The following PPP5C variants were observed in gnomAD, a reference collection of about 807,000 sequenced individuals.
PPP5C encodes the protein protein phosphatase 5 catalytic subunit, also known as serine/threonine-protein phosphatase 5.
Under a neutral mutation model 66.7 loss-of-function variants are expected in PPP5C, and 21 were observed. That is an observed-to-expected ratio of 0.31 (90% CI 0.22 to 0.45). PPP5C has a LOEUF of 0.45. Ranked by LOEUF, PPP5C falls within the 20% of genes least tolerant of loss-of-function variation. PPP5C has a pLI of 1.00. For synonymous variants in PPP5C, 246 were observed against 257.4 expected (o/e 0.96, Z 0.43); for missense variants, 464 against 675.9 (o/e 0.69, Z 3.48).
At chr19:46,356,109 G>T (rs1972282033) in intron 2 of PPP5C, among the ~76,000 whole-genome samples, 1 of 152,238 alleles carries the variant, frequency 6.6e-6, no homozygotes, top group Non-Finnish European at 1.5e-5. Context: ...TTGTGGGTGT[G>T]CCACGTCTGA....
chr19:46,386,537 G>T (rs767571047), intron 7 of PPP5C, among the ~76,000 whole-genome samples: 1 of 151,882 alleles, frequency 6.6e-6, no homozygotes, highest in Non-Finnish European at 1.5e-5. Context: ...GAAGAAGGAG[G>T]CCGGGTGCTT....
chr19:46,351,410 A>T (rs1266097719), intron 1 of PPP5C, among the ~76,000 whole-genome samples: 6 of 152,134 alleles, frequency 3.9e-5, no homozygotes, highest in African/African-American at 1.4e-4. Context: ...TTAGTCATTC[A>T]CGCATTCACT....
intron 2 of PPP5C, among the ~76,000 whole-genome samples, chr19:46,363,566 T>C (rs1972438649): frequency 2.6e-5 from 4 of 151,518 alleles, no homozygotes; most frequent in African/African-American, 9.7e-5. Context: ...GTAGCTGGGA[T>C]TGCAGGCACG....
intron 2 of PPP5C, among the ~76,000 whole-genome samples, chr19:46,365,799 C>T (rs1972481368): frequency 6.6e-6 from 1 of 152,212 alleles, no homozygotes; most frequent in South Asian, 2.1e-4. Flanking sequence ...GACTTACCCT[C>T]ATGCAGCTTA....
rs189216834 is a variant in PPP5C at position 46,390,960 on chromosome 19, C to T, written c.*614C>T. On this transcript the variant is annotated 3_prime_UTR_variant, in exon 13 of 13. Coordinates refer to ENST00000012443, the MANE Select transcript of PPP5C (RefSeq NM_006247.4). The stretch of plus-strand genomic sequence containing the variant: ...CAAAGTCCCGCTGGCCGGGCCCACC[C>T]AGCTCTGGGCTGACCGCCCAAGTGG... 452 of 1,182,994 alleles carry T rather than the reference C, an allele frequency of 3.8e-4. 1 individual carries two copies. Among genetic ancestry groups the T allele is most frequent in the Non-Finnish European group, 4.4e-4 (414 of 935,936 alleles). The allele number at this position is 1,182,994 out of a possible 1,614,324, so 73.3% of individuals were successfully genotyped here. A position where few individuals can be genotyped will look rare whatever the true frequency, so the allele number is the denominator to read the frequency against.
At chr19:46,351,647 C>A (rs1259521091) in intron 1 of PPP5C, among the ~76,000 whole-genome samples, 1 of 152,228 alleles carries the variant, frequency 6.6e-6, no homozygotes, top group Admixed American at 6.5e-5. Context: ...GCCTCTGGAC[C>A]ACAGCCAGGA....
intron 2 of PPP5C, among the ~76,000 whole-genome samples, chr19:46,361,051 G>GTTGT (rs1377184639): frequency 1.3e-5 from 2 of 149,248 alleles, no homozygotes; most frequent in Admixed American, 6.6e-5. Context: ...TTTTTTCTGT[G>GTTGT]TTGTTTGTTT....
chr19:46,368,305 G>A (rs562043422), intron 2 of PPP5C, among the ~76,000 whole-genome samples: 139 of 152,330 alleles, frequency 9.1e-4, no homozygotes, highest in Non-Finnish European at 1.6e-3. Flanking sequence ...TGTACCATGC[G>A]GTTTCATTGC....
intron 7 of PPP5C, chr19:46,386,739 A>G (rs1422252312): frequency 3.3e-6 from 1 of 303,912 alleles, no homozygotes; most frequent in Non-Finnish European, 6.4e-6. Flanking sequence ...CAGCCTCCCA[A>G]GTAGCTGGCA....
At chr19:46,384,027 G>T (rs1972841343) in intron 6 of PPP5C, 149 bp downstream of exon 6, 6 of 696,758 alleles carry the variant, frequency 8.6e-6, no homozygotes, top group South Asian at 5.4e-5. Flanking sequence ...GGTGTGGGTG[G>T]AGCTGCAGGC....
In PPP5C at chr19:46,383,327, G is replaced by C; in HGVS notation, c.634-84G>C. On this transcript the variant is annotated intron_variant, in intron 4 of 12. Transcript: ENST00000012443. This position sits in a 1 kb window ranked among gnomAD's most constrained non-coding sequence, Gnocchi z 5.0. ...TCTCCCTCGCCCTCAGCCCAGCAGC[G>C]TCTCATGGGCAGTCCAGGCTTTCGG... The C allele has an allele frequency of 6.4e-7, 1 of 1,565,050 alleles. No individual in the cohort carries two copies. The highest frequency in any genetic ancestry group is 1.7e-4 in the Middle Eastern group (1 of 6,028).
chr19:46,386,469 A>G (rs971089136), intron 7 of PPP5C, among the ~76,000 whole-genome samples: 1 of 151,860 alleles, frequency 6.6e-6, no homozygotes, highest in Admixed American at 6.6e-5. Context: ...TCAGACAAGC[A>G]GAGTCTGAGC....
rs544110312 is a variant in PPP5C, at chr19:46,384,469, C to T, written c.799-335C>T. Reference sequence around the variant, plus strand: ...GGGAGGGCCCGTGTCCCATCTCCCCCATGGCTCCAGGCCTCTCTGAGGAGA... The same window carrying T: ...GGGAGGGCCCGTGTCCCATCTCCCCTATGGCTCCAGGCCTCTCTGAGGAGA... On this transcript the variant is annotated intron_variant, in intron 6 of 12. Coordinates refer to ENST00000012443, the MANE Select transcript of PPP5C (RefSeq NM_006247.4). 8 of 309,868 alleles carry T rather than the reference C, an allele frequency of 2.6e-5. No homozygotes were observed. In the South Asian group the frequency reaches 2.7e-4, roughly 10 times the overall value. 19.2% of individuals were successfully genotyped at this position (309,868 alleles called of 1,614,324 possible). A position where few individuals can be genotyped will look rare whatever the true frequency, so the allele number is the denominator to read the frequency against.
At chr19:46,384,756 A>G in intron 6 of PPP5C, 48 bp from the exon 7 acceptor site, 1 of 1,371,884 alleles carries the variant, frequency 7.3e-7, no homozygotes, top group Non-Finnish European at 1.0e-6. Context: ...ACCCCACCGC[A>G]CCGCACCCTT....
At chr19:46,369,106 T>C (rs920627624) in intron 2 of PPP5C, among the ~76,000 whole-genome samples, 1 of 152,222 alleles carries the variant, frequency 6.6e-6, no homozygotes, top group African/African-American at 2.4e-5. Flanking sequence ...TGCATAGGTA[T>C]AGTCATGCAT....
chr19:46,362,944 C>A (rs1972417220), intron 2 of PPP5C, among the ~76,000 whole-genome samples: 1 of 150,288 alleles, frequency 6.7e-6, no homozygotes, highest in Non-Finnish European at 1.5e-5. Context: ...CCCGCCACCA[C>A]ACCCGGCTAA....
At chr19:46,364,421 A>G (rs927499228) in intron 2 of PPP5C, among the ~76,000 whole-genome samples, 1 of 152,150 alleles carries the variant, frequency 6.6e-6, no homozygotes, top group Non-Finnish European at 1.5e-5. Flanking sequence ...CCTGGGCAAC[A>G]TGGCAAGACC....
intron 2 of PPP5C, among the ~76,000 whole-genome samples, chr19:46,354,472 T>C (rs1273524887): frequency 6.6e-6 from 1 of 152,140 alleles, no homozygotes; most frequent in East Asian, 1.9e-4. Flanking sequence ...GCAGAATAAT[T>C]GCAGGTGAGG....
At chr19:46,352,005 C>G (rs1436504948) in intron 1 of PPP5C, among the ~76,000 whole-genome samples, 1 of 152,208 alleles carries the variant, frequency 6.6e-6, no homozygotes, top group Non-Finnish European at 1.5e-5. Context: ...CAGGACCCGG[C>G]TTCTCCCTTC....
Sources: gnomAD v4.1 joint callset for allele counts (sites outside exome capture counted in the v4.1 genomes callset) on GRCh38, gnomAD v4.1.1 for gene constraint, Gnocchi (gnomAD v3.1) non-coding constraint, MANE v1.5 for transcripts, NCBI Gene and HGNC (gene_info 2026-07-23, HGNC 2026-07-21) for gene names.